SEPTIN7: variants seen among roughly 807,000 people sequenced by gnomAD.
The protein encoded by SEPTIN7 is septin-7.
In SEPTIN7, 10 loss-of-function variants were observed where a neutral mutation model predicts 63.3. That is an observed-to-expected ratio of 0.16 (90% CI 0.10 to 0.27). The LOEUF (loss-of-function observed/expected upper bound fraction) is 0.27. SEPTIN7 is among the 10% of genes least tolerant of loss of function. The pLI, the probability that SEPTIN7 is intolerant of heterozygous loss-of-function variation, is 1.00. For synonymous variants in SEPTIN7, 131 were observed against 165.3 expected (o/e 0.79, Z 1.59); for missense variants, 310 against 521.0 (o/e 0.59, Z 3.94).
intron 1 of SEPTIN7, among the ~76,000 whole-genome samples, chr7:35,814,429 C>T (rs144108146): frequency 1.3e-5 from 2 of 152,076 alleles, no homozygotes; most frequent in East Asian, 1.9e-4. Context: ...CTTTGGTGGT[C>T]CATTGAAATC....
At chr7:35,802,235 C>T in intron 1 of SEPTIN7, 1 of 349,264 alleles carries the variant, frequency 2.9e-6, no homozygotes, top group Admixed American at 3.0e-5. Flanking sequence ...ATTTCATTTA[C>T]ATTTTCCACT....
At chr7:35,834,137 T>C (rs1783967409) in intron 3 of SEPTIN7, among the ~76,000 whole-genome samples, 1 of 151,994 alleles carries the variant, frequency 6.6e-6, no homozygotes, top group Admixed American at 6.6e-5. Context: ...ATCATCATTA[T>C]ATGAAGAAAC....
At chr7:35,863,340 G>C (rs1422735434) in intron 3 of SEPTIN7, among the ~76,000 whole-genome samples, 2 of 152,036 alleles carry the variant, frequency 1.3e-5, no homozygotes, top group East Asian at 1.9e-4. Context: ...ATAATTAGAA[G>C]ACTGAAAAGA....
At position 35,886,802 on chromosome 7, in the gene SEPTIN7, T is replaced by C. The variant is rs1297251064; in HGVS notation, c.872+923T>C. On this transcript the variant is annotated intron_variant, in intron 10 of 13. Coordinates refer to ENST00000350320, the MANE Select transcript of SEPTIN7 (RefSeq NM_001788.6). Reference sequence around the variant, plus strand: ...TGGATAATAGTTGGAAATCATGGAATAACAAGAGGTCATTCTCAAGGTGAG... The same window carrying C: ...TGGATAATAGTTGGAAATCATGGAACAACAAGAGGTCATTCTCAAGGTGAG... Among the ~76,000 whole-genome samples the C allele has an allele frequency of 4.6e-5, 7 of 152,344 alleles. No individual in the cohort carries two copies. The East Asian group carries it at 1.3e-3, about 29-fold the overall frequency.
intron 3 of SEPTIN7, among the ~76,000 whole-genome samples, chr7:35,858,723 C>G (rs1444828651): frequency 4.7e-5 from 7 of 149,956 alleles, no homozygotes; most frequent in Non-Finnish European, 1.0e-4. Context: ...TCTTGTTGCC[C>G]AGGCTGGAGT....
chr7:35,870,656 TA>T (rs2116204418), intron 4 of SEPTIN7, among the ~76,000 whole-genome samples: 1 of 152,142 alleles, frequency 6.6e-6, no homozygotes, highest in Non-Finnish European at 1.5e-5. Flanking sequence ...GATCACCAGA[TA>T]AAATGTAAAC....
At chr7:35,846,725 C>A in intron 3 of SEPTIN7, 1 of 156,730 alleles carries the variant, frequency 6.4e-6, no homozygotes. Context: ...GCATTCCTTC[C>A]AATGGGACCT....
chr7:35,803,673 T>C (rs565198744), intron 1 of SEPTIN7, among the ~76,000 whole-genome samples: 1 of 152,374 alleles, frequency 6.6e-6, no homozygotes, highest in South Asian at 2.1e-4. Flanking sequence ...GTTGAACATT[T>C]TAAACTAATG....
intron 1 of SEPTIN7, among the ~76,000 whole-genome samples, chr7:35,818,583 G>A (rs917865549): frequency 1.3e-5 from 2 of 151,924 alleles, no homozygotes; most frequent in African/African-American, 4.8e-5. Context: ...CTGGGTATGG[G>A]CTTTGTGTAA....
At chr7:35,864,022 GC>G (rs1244594171) in intron 4 of SEPTIN7, among the ~76,000 whole-genome samples, 1 of 151,236 alleles carries the variant, frequency 6.6e-6, no homozygotes, top group Non-Finnish European at 1.5e-5. Context: ...CATTTCAAGT[GC>G]TCAACAGCCC....
At chr7:35,808,644 T>G (rs912898966) in intron 1 of SEPTIN7, among the ~76,000 whole-genome samples, 1 of 152,178 alleles carries the variant, frequency 6.6e-6, no homozygotes, top group Non-Finnish European at 1.5e-5. Context: ...AGGGAACAAA[T>G]GCTGTGCCCT....
intron 1 of SEPTIN7, among the ~76,000 whole-genome samples, chr7:35,826,337 A>T (rs1442604867): frequency 6.6e-6 from 1 of 150,870 alleles, no homozygotes; most frequent in Non-Finnish European, 1.5e-5. Flanking sequence ...AATTACTTAC[A>T]CTTTAGGAGA....
chr7:35,817,536 C>T (rs558001218), intron 1 of SEPTIN7, among the ~76,000 whole-genome samples: 1 of 152,118 alleles, frequency 6.6e-6, no homozygotes, highest in East Asian at 1.9e-4. Context: ...CTTGAATGTC[C>T]GTCTGAACTA....
downstream of SEPTIN7, among the ~76,000 whole-genome samples, chr7:35,909,611 A>G (rs78537986): frequency 0.015 from 2,258 of 152,340 alleles, 50 homozygotes; most frequent in African/African-American, 0.05. Context: ...GGAAGGAAAC[A>G]AAATTGAAAA....
chr7:35,913,596 C>T, the SEPTIN7 span, among the ~76,000 whole-genome samples: 1 of 145,104 alleles, frequency 6.9e-6, no homozygotes, highest in African/African-American at 2.6e-5. Context: ...TCCTTCCTTC[C>T]TTCCTTCTTT....
intron 1 of SEPTIN7, among the ~76,000 whole-genome samples, chr7:35,801,520 C>T (rs1787970280): frequency 6.6e-6 from 1 of 151,350 alleles, no homozygotes; most frequent in Non-Finnish European, 1.5e-5. Context: ...TGTGCCGCGG[C>T]GGGCTGGCCC....
chr7:35,811,018 C>G (rs1275494276), intron 1 of SEPTIN7, among the ~76,000 whole-genome samples: 1 of 152,186 alleles, frequency 6.6e-6, no homozygotes, highest in Non-Finnish European at 1.5e-5. Context: ...ATCTGCCCAC[C>G]TTGGCCTCCC....
intron 3 of SEPTIN7, among the ~76,000 whole-genome samples, chr7:35,836,308 T>A (rs1318839332): frequency 6.6e-6 from 1 of 152,182 alleles, no homozygotes; most frequent in Non-Finnish European, 1.5e-5. Context: ...CTAGAATTCT[T>A]CAAGGAGGCA....
At chr7:35,856,274 C>T (rs574287369) in intron 3 of SEPTIN7, among the ~76,000 whole-genome samples, 10 of 152,288 alleles carry the variant, frequency 6.6e-5, no homozygotes, top group Middle Eastern at 3.4e-3. Context: ...CGCTCACCAG[C>T]GTACATTGGT....
Sources: allele counts gnomAD v4.1 joint callset (sites outside exome capture counted in the v4.1 genomes callset), GRCh38; gene constraint gnomAD v4.1.1; transcripts MANE v1.5; gene names NCBI Gene and HGNC (gene_info 2026-07-23, HGNC 2026-07-21).